The following ALDH1A2 variants were observed in gnomAD, a reference collection of about 807,000 sequenced individuals.
ALDH1A2 encodes retinal dehydrogenase 2.
ALDH1A2 carries 27 observed loss-of-function variants against 60.3 expected under a neutral mutation model. The observed-to-expected ratio is 0.45, with a 90% confidence interval of 0.33 to 0.62. The LOEUF is 0.62. ALDH1A2 is among the 20% of genes least tolerant of loss of function. The pLI, the probability that ALDH1A2 is intolerant of heterozygous loss-of-function variation, is 0.02. For missense variants in ALDH1A2, 581 were observed against 643.8 expected, an observed-to-expected ratio of 0.90 and a Z score of 1.06; for synonymous variants, 289 against 232.4, an observed-to-expected ratio of 1.24 and a Z score of -2.21.
intron 7 of ALDH1A2, among the ~76,000 whole-genome samples, chr15:57,989,758 GTAACTAAACATTCATT>G (rs544261318): frequency 1.6e-3 from 239 of 152,170 alleles, no homozygotes; most frequent in African/African-American, 5.5e-3. Flanking sequence ...TTGTTTTGAA[GTAACTAAACATTCATT>G]TATAAACAAA....
chr15:57,979,159 C>T (rs12910509), intron 7 of ALDH1A2, among the ~76,000 whole-genome samples: 129,826 of 152,130 alleles, frequency 0.85, 57,887 homozygotes, highest in East Asian at 1. Context: ...GGTCTGTTGG[C>T]CTGAGGGTCC....
intron 1 of ALDH1A2, among the ~76,000 whole-genome samples, chr15:58,055,610 G>A (rs1896876002): frequency 6.6e-6 from 1 of 152,012 alleles, no homozygotes; most frequent in African/African-American, 2.4e-5. Flanking sequence ...GGTGTTATAT[G>A]TAAGTATATA....
At chr15:58,065,422 G>T in intron 1 of ALDH1A2, 112 bp downstream of exon 1, 1 of 942,058 alleles carries the variant, frequency 1.1e-6, no homozygotes, top group South Asian at 1.3e-5. Flanking sequence ...TGACAGGCTG[G>T]CCCCGACGAC....
At chr15:57,992,267 C>G (rs1441006007) in intron 7 of ALDH1A2, among the ~76,000 whole-genome samples, 3 of 152,154 alleles carry the variant, frequency 2.0e-5, no homozygotes, top group Admixed American at 6.5e-5. Context: ...AAAAAATGTG[C>G]TGAGCCCTGC....
rs1341611427 is a variant in ALDH1A2, at chr15:57,975,723, C to T, written c.799-9896G>A. On this transcript the variant is annotated intron_variant, in intron 7 of 12. Coordinates refer to ENST00000249750, the MANE Select transcript of ALDH1A2 (RefSeq NM_003888.4). Reference sequence around the variant, plus strand: ...AAATAACTGTGCTGAGTAAAAACAGCTAGACAAAAGAGTATATACTATATG... The same window carrying T: ...AAATAACTGTGCTGAGTAAAAACAGTTAGACAAAAGAGTATATACTATATG... Among the ~76,000 whole-genome samples the T allele has an allele frequency of 5.3e-5, 8 of 150,638 alleles. No homozygotes were observed. The Admixed American group carries it at 5.3e-4, about 10-fold the overall frequency.
At chr15:57,995,217 C>CATAA in intron 4 of ALDH1A2, 78 bp from the exon 5 acceptor site, 1 of 284,426 alleles carries the variant, frequency 3.5e-6, no homozygotes, top group East Asian at 8.8e-5. Flanking sequence ...TTGGTGGCTG[C>CATAA]AAAAAAAAAA....
intron 7 of ALDH1A2, among the ~76,000 whole-genome samples, chr15:57,987,671 G>GAGAT (rs1416073536): frequency 6.6e-6 from 1 of 152,100 alleles, no homozygotes; most frequent in African/African-American, 2.4e-5. Flanking sequence ...ACGAGGTCAC[G>GAGAT]AGATCCAGAC....
chr15:58,060,463 CTTTTT>C (rs35187901), intron 1 of ALDH1A2, among the ~76,000 whole-genome samples: 10 of 87,510 alleles, frequency 1.1e-4, no homozygotes, highest in South Asian at 4.2e-4. Flanking sequence ...CCACACATAT[CTTTTT>C]TTTTTTTTTT....
rs148916340 is a variant in ALDH1A2 at position 57,962,045 on chromosome 15, G to A, written c.1218C>T (p.Asn406=). 4.3e-5 allele frequency: 69 copies of A among 1,613,942 alleles called. No individual in the cohort carries two copies. Among genetic ancestry groups the A allele is most frequent in the Middle Eastern group, 1.6e-4 (1 of 6,084 alleles). ...TGGCAATCCGCATATCATCAGTGAC[G>A]TTGGAAAACACTGTGGGCTCAATGA... The part of the protein sequence containing the change: ...GFFIEPTVFS[N]VTDDMRIAKE... Residue 406 remains asparagine, a synonymous_variant, in exon 10 of 13, where the codon AAC becomes AAT. Transcript: ENST00000249750.
At chr15:58,040,091 T>C (rs1896481042) in intron 1 of ALDH1A2, among the ~76,000 whole-genome samples, 1 of 151,892 alleles carries the variant, frequency 6.6e-6, no homozygotes, top group Non-Finnish European at 1.5e-5. Context: ...CCAAAGATAA[T>C]ATATTTTATA....
intron 4 of ALDH1A2, among the ~76,000 whole-genome samples, chr15:57,999,138 T>C (rs990243437): frequency 6.6e-6 from 1 of 152,134 alleles, no homozygotes; most frequent in Non-Finnish European, 1.5e-5. Context: ...GACATGGGCA[T>C]AGGCAAGATT....
At chr15:58,014,107 C>T in intron 2 of ALDH1A2, 70 bp downstream of exon 2, 1 of 1,613,966 alleles carries the variant, frequency 6.2e-7, no homozygotes, top group Non-Finnish European at 8.5e-7. Context: ...GTACTGAGAG[C>T]ATATGTTTGC....
chr15:57,980,414 G>A (rs779449343), intron 7 of ALDH1A2: 1 of 365,250 alleles, frequency 2.7e-6, no homozygotes, highest in Non-Finnish European at 5.5e-6. Flanking sequence ...CTTCTGCATG[G>A]AGTGGTTGAT....
intron 1 of ALDH1A2, among the ~76,000 whole-genome samples, chr15:58,044,297 T>TC (rs1400700830): frequency 3.9e-5 from 6 of 152,052 alleles, no homozygotes; most frequent in African/African-American, 7.2e-5. Flanking sequence ...CCTAATGCTC[T>TC]CCCTCTCCTG....
At chr15:58,045,072 A>G (rs1229607074) in intron 1 of ALDH1A2, among the ~76,000 whole-genome samples, 1 of 152,146 alleles carries the variant, frequency 6.6e-6, no homozygotes, top group Non-Finnish European at 1.5e-5. Context: ...CAACCCCATT[A>G]AAAAGTGGGC....
At chr15:57,960,894 T>C (rs774041681) in intron 11 of ALDH1A2, 50 bp from the exon 12 acceptor site, 1 of 1,531,290 alleles carries the variant, frequency 6.5e-7, no homozygotes, top group East Asian at 2.3e-5. Flanking sequence ...TCTGAGCACA[T>C]AATCTGACTG....
intron 1 of ALDH1A2, among the ~76,000 whole-genome samples, chr15:58,046,480 A>G (rs1310865260): frequency 6.6e-6 from 1 of 152,024 alleles, no homozygotes; most frequent in African/African-American, 2.4e-5. Flanking sequence ...TTAATCTTGT[A>G]TGTATTCCTT....
intron 1 of ALDH1A2, chr15:58,065,250 G>T (rs1012041098): frequency 2.2e-6 from 1 of 450,818 alleles, no homozygotes; most frequent in East Asian, 4.9e-5. Context: ...GGGAGAATCG[G>T]ACAGAAACCA....
At chr15:57,957,242 G>T (rs1320254144) in intron 12 of ALDH1A2, among the ~76,000 whole-genome samples, 4 of 152,118 alleles carry the variant, frequency 2.6e-5, no homozygotes, top group African/African-American at 9.7e-5. Flanking sequence ...TCCTCTTGGT[G>T]CCCAGTCATC....
Sources: gnomAD v4.1 joint callset for allele counts (sites outside exome capture counted in the v4.1 genomes callset) on GRCh38, gnomAD v4.1.1 for gene constraint, MANE v1.5 for transcripts, NCBI Gene and HGNC (gene_info 2026-07-23, HGNC 2026-07-21) for gene names.